COL22A1: variants seen among roughly 807,000 people sequenced by gnomAD.
COL22A1 encodes collagen alpha-1(XXII) chain.
A neutral mutation model predicts 248.9 loss-of-function variants in COL22A1; 221 were observed. That is an observed-to-expected ratio of 0.89 (90% CI 0.80 to 0.99). The LOEUF is 0.99. Ranked by LOEUF, COL22A1 falls within the 50% of genes least tolerant of loss-of-function variation. The pLI is 0.00. For missense variants in COL22A1, 2,240 were observed against 2,179.0 expected (o/e 1.03, Z -0.56); for synonymous variants, 891 against 793.4 (o/e 1.12, Z -2.07).
chr8:138,660,333 T>C (rs980850286), intron 44 of COL22A1, 103 bp downstream of exon 44: 2 of 977,838 alleles, frequency 2.0e-6, no homozygotes, highest in African/African-American at 3.2e-5. Context: ...TTTTGTCAAA[T>C]GTTCCTTTGT....
chr8:138,657,285 AG>A, intron 44 of COL22A1, among the ~76,000 whole-genome samples: 1 of 152,370 alleles, frequency 6.6e-6, no homozygotes, highest in East Asian at 1.9e-4. Flanking sequence ...AACTTTTAAA[AG>A]GGAAAGGTGT....
intron 2 of COL22A1, among the ~76,000 whole-genome samples, chr8:138,879,388 T>A (rs1399113241): frequency 6.6e-6 from 1 of 152,032 alleles, no homozygotes; most frequent in Non-Finnish European, 1.5e-5. Context: ...TACAAGGAAC[T>A]ATCAAGAAGC....
chr8:138,724,502 G>A (rs1004216785), intron 25 of COL22A1, 113 bp downstream of exon 25: 2 of 1,003,572 alleles, frequency 2.0e-6, no homozygotes, highest in African/African-American at 1.6e-5. Context: ...TGCTGGCCAA[G>A]GAGTCCTCAG....
intron 16 of COL22A1, among the ~76,000 whole-genome samples, chr8:138,768,283 C>T (rs183914519): frequency 1.4e-3 from 217 of 152,318 alleles, no homozygotes; most frequent in African/African-American, 4.7e-3. Context: ...TGCTCACTCT[C>T]GGCCACAGCA....
At chr8:138,847,534 C>T (rs986747528) in intron 3 of COL22A1, among the ~76,000 whole-genome samples, 5 of 152,196 alleles carry the variant, frequency 3.3e-5, no homozygotes, top group African/African-American at 1.2e-4. Context: ...CCCCACCTTT[C>T]CAGTCTCACT....
chr8:138,751,535 A>G (rs1371122878), intron 21 of COL22A1, 24 bp from the exon 22 acceptor site: 2 of 1,561,268 alleles, frequency 1.3e-6, no homozygotes, highest in Non-Finnish European at 1.8e-6. Context: ...AAAAAGGAAA[A>G]AGAGAGAGAA....
Position 138,895,069 on chromosome 8 carries a change from A to AG in COL22A1, c.-72-11826_-72-11825insC, listed in dbSNP as rs1554659272. Among the ~76,000 whole-genome samples, 1,156 of 145,140 alleles carry AG rather than the reference A, an allele frequency of 8.0e-3. 7 individuals carry two copies. Among genetic ancestry groups the AG allele is most frequent in the Non-Finnish European group, 0.012 (787 of 66,468 alleles). ...GCAAGAACCTTTCTCTTAAAAAAAA[A>AG]AAAAGAAAAGAAAAGAAAAAAAAAC... is the stretch of plus-strand genomic sequence containing the variant. On this transcript the variant is annotated intron_variant, in intron 1 of 64. Coordinates refer to ENST00000303045, the MANE Select transcript of COL22A1 (RefSeq NM_152888.3).
At chr8:138,862,701 A>G (rs1311199514) in intron 3 of COL22A1, among the ~76,000 whole-genome samples, 3 of 152,004 alleles carry the variant, frequency 2.0e-5, no homozygotes, top group Admixed American at 1.3e-4. Flanking sequence ...GTTCACAGTA[A>G]GCCTTTAATC....
At chr8:138,660,784 A>G (rs1011275204) in intron 43 of COL22A1, among the ~76,000 whole-genome samples, 15 of 145,262 alleles carry the variant, frequency 1.0e-4, no homozygotes, top group African/African-American at 2.5e-4. Flanking sequence ...ACGCATGCAC[A>G]CACACACACA....
At chr8:138,795,986 C>T (rs142324344) in intron 12 of COL22A1, among the ~76,000 whole-genome samples, 4 of 152,298 alleles carry the variant, frequency 2.6e-5, no homozygotes, top group East Asian at 1.9e-4. Context: ...TTTGAGTCCA[C>T]GCGTGCCTGT....
At chr8:138,844,907 G>A (rs186543996) in intron 3 of COL22A1, among the ~76,000 whole-genome samples, 5 of 149,210 alleles carry the variant, frequency 3.4e-5, no homozygotes, top group South Asian at 4.3e-4. Flanking sequence ...CTGAGATCAC[G>A]TGGCTGCACT....
chr8:138,858,966 C>T (rs2131945417), intron 3 of COL22A1, among the ~76,000 whole-genome samples: 1 of 152,248 alleles, frequency 6.6e-6, no homozygotes, highest in African/African-American at 2.4e-5. Context: ...CCCAGGAGGC[C>T]AGGCCTCGTC....
chr8:138,606,833 A>G (rs1818465246), intron 57 of COL22A1, among the ~76,000 whole-genome samples: 1 of 152,082 alleles, frequency 6.6e-6, no homozygotes, highest in Admixed American at 6.5e-5. Flanking sequence ...ACATTTTGGG[A>G]AAGGACTTTG....
At chr8:138,875,306 A>G (rs968280804) in intron 3 of COL22A1, among the ~76,000 whole-genome samples, 3 of 152,104 alleles carry the variant, frequency 2.0e-5, no homozygotes, top group African/African-American at 7.2e-5. Flanking sequence ...GGTGTCTATT[A>G]ACTGTGTGGC....
intron 55 of COL22A1, among the ~76,000 whole-genome samples, chr8:138,615,640 C>T (rs1819254509): frequency 2.6e-5 from 4 of 151,868 alleles, no homozygotes; most frequent in African/African-American, 4.8e-5. Flanking sequence ...ACGGTGGTGG[C>T]GGTGAGGGGT....
intron 12 of COL22A1, among the ~76,000 whole-genome samples, chr8:138,791,396 C>T (rs560815360): frequency 6.6e-6 from 1 of 152,338 alleles, no homozygotes; most frequent in South Asian, 2.1e-4. Flanking sequence ...ACACCAAGCA[C>T]ACCGGACTCC....
chr8:138,692,462 C>CGT (rs1827157484), intron 35 of COL22A1, among the ~76,000 whole-genome samples: 8 of 46,272 alleles, frequency 1.7e-4, no homozygotes, highest in South Asian at 1.1e-3. Context: ...TGTGTGAGTG[C>CGT]ATGTGTGTGT....
At chr8:138,812,755 G>C (rs192355352) in intron 8 of COL22A1, among the ~76,000 whole-genome samples, 184 bp downstream of exon 8, 2 of 152,084 alleles carry the variant, frequency 1.3e-5, no homozygotes, top group African/African-American at 4.8e-5. Flanking sequence ...GACCACAGTA[G>C]CCCTGGAGGA....
intron 1 of COL22A1, among the ~76,000 whole-genome samples, chr8:138,908,970 G>A (rs966126043): frequency 3.9e-5 from 6 of 152,134 alleles, no homozygotes; most frequent in Non-Finnish European, 8.8e-5. Context: ...AAGAAGGTGG[G>A]CAAGAACCTG....
Sources: allele counts gnomAD v4.1 joint callset (sites outside exome capture counted in the v4.1 genomes callset), GRCh38; gene constraint gnomAD v4.1.1; transcripts MANE v1.5; gene names NCBI Gene and HGNC (gene_info 2026-07-23, HGNC 2026-07-21).